Variants in PINX1 observed in about 807,000 individuals in gnomAD.
The protein encoded by PINX1 is PIN2/TERF1-interacting telomerase inhibitor 1.
A neutral mutation model predicts 25.4 loss-of-function variants in PINX1; 34 were observed. The observed-to-expected ratio is 1.34, with a 90% CI of 1.02 to 1.78. The LOEUF (loss-of-function observed/expected upper bound fraction) is 1.78. PINX1 is among the 40% of genes most tolerant of loss of function. PINX1 has a pLI of 0.00. For synonymous variants in PINX1, 197 were observed against 147.7 expected (o/e 1.33, Z -2.42); for missense variants, 592 against 404.9 (o/e 1.46, Z -3.97).
chr8:10,818,505 C>T (rs1250528117), intron 6 of PINX1, among the ~76,000 whole-genome samples: 1 of 152,128 alleles, frequency 6.6e-6, no homozygotes, highest in Non-Finnish European at 1.5e-5. Flanking sequence ...TAAAGTTCTA[C>T]AAAAGCCCAC....
rs1352599298 is a variant in PINX1, at chr8:10,765,440, T to A, written c.948A>T (p.Glu316Asp). ...TCTTCTTCTTCTTTTTCACTAGCGT[T>A]TCTTCTAGTGTAGCGTCCTCTGCTA... is the stretch of plus-strand genomic sequence containing the variant. ...VEIAEDATLE[E>D]TLVKKKKKKD... The change falls in exon 7 of 7, where the codon GAA becomes GAT. Residue 316 changes from glutamate to aspartate, a missense_variant. Glu to Asp is a conservative substitution (Grantham distance 45, BLOSUM62 2). Transcript: ENST00000314787. The A allele has an allele frequency of 6.2e-7, 1 of 1,607,814 alleles. No homozygotes were observed. The highest frequency in any genetic ancestry group is 8.5e-7 in the Non-Finnish European group (1 of 1,178,246).
Position 10,770,076 on chromosome 8 carries a change from T to G in PINX1, c.472-4160A>C, listed in dbSNP as rs148494128. On this transcript the variant is annotated intron_variant, in intron 6 of 6. Coordinates refer to ENST00000314787, the MANE Select transcript of PINX1 (RefSeq NM_017884.6). ...AGTTTTATAATTTATCAAACTAGCA[T>G]GTACATTCACTTGAAAAAGTTTGAC... Among the ~76,000 whole-genome samples, 284 of 152,348 alleles carry G rather than the reference T, an allele frequency of 1.9e-3. 1 individual carries two copies. Among genetic ancestry groups the G allele is most frequent in the African/African-American group, 6.5e-3 (269 of 41,578 alleles).
At chr8:10,785,967 A>G (rs997703240) in intron 6 of PINX1, among the ~76,000 whole-genome samples, 1 of 152,216 alleles carries the variant, frequency 6.6e-6, no homozygotes, top group Admixed American at 6.5e-5. Flanking sequence ...TGGACTGCGT[A>G]TATCACTACC....
chr8:10,785,098 C>G (rs2129074739), intron 6 of PINX1, among the ~76,000 whole-genome samples: 1 of 152,264 alleles, frequency 6.6e-6, no homozygotes, highest in South Asian at 2.1e-4. Flanking sequence ...AGAAAATTCC[C>G]ATAACGTTTT....
intron 6 of PINX1, among the ~76,000 whole-genome samples, chr8:10,810,949 G>A (rs746680790): frequency 1.3e-5 from 2 of 152,164 alleles, no homozygotes; most frequent in African/African-American, 2.4e-5. Context: ...TTGTGACTAC[G>A]CACACACAGA....
At chr8:10,775,238 T>A (rs1275840130) in intron 6 of PINX1, among the ~76,000 whole-genome samples, 1 of 152,182 alleles carries the variant, frequency 6.6e-6, no homozygotes, top group African/African-American at 2.4e-5. Flanking sequence ...CAAGAAAGAC[T>A]GTCTCCCTGC....
intron 1 of PINX1, among the ~76,000 whole-genome samples, chr8:10,838,245 T>G (rs1391202094): frequency 6.6e-6 from 1 of 152,174 alleles, no homozygotes; most frequent in African/African-American, 2.4e-5. Flanking sequence ...CAATCCTAAG[T>G]ATCTAATTAC....
At chr8:10,815,007 A>AT (rs1192560369) in intron 6 of PINX1, among the ~76,000 whole-genome samples, 11 of 152,240 alleles carry the variant, frequency 7.2e-5, no homozygotes, top group African/African-American at 2.6e-4. Flanking sequence ...TGGCGTGATG[A>AT]TAGCTCACTG....
At chr8:10,838,009 A>C (rs745416569) in intron 1 of PINX1, among the ~76,000 whole-genome samples, 6 of 152,242 alleles carry the variant, frequency 3.9e-5, no homozygotes, top group Admixed American at 2.0e-4. Context: ...CTAGGCTTCA[A>C]TCACAGGCAG....
intron 6 of PINX1, among the ~76,000 whole-genome samples, chr8:10,799,066 G>T (rs1257688264): frequency 6.6e-6 from 1 of 152,044 alleles, no homozygotes; most frequent in Admixed American, 6.5e-5. Context: ...TTGGGAAACT[G>T]ATCATCTGTA....
At position 10,824,257 on chromosome 8, in the gene PINX1, C is replaced by A. The variant is rs140851797; in HGVS notation, c.394+1895G>T. Reference sequence around the variant, plus strand: ...CGAGTAATGGCCAGAGTGAGATTTTCTGTGATCTAAGATAGTCCACCCTAG... The same window carrying A: ...CGAGTAATGGCCAGAGTGAGATTTTATGTGATCTAAGATAGTCCACCCTAG... On this transcript the variant is annotated intron_variant, in intron 5 of 6. Coordinates refer to ENST00000314787, the MANE Select transcript of PINX1 (RefSeq NM_017884.6). Among the ~76,000 whole-genome samples, 726 of 152,286 alleles carry A rather than the reference C, an allele frequency of 4.8e-3. 4 individuals carry two copies. The highest frequency in any genetic ancestry group is 7.6e-3 in the Non-Finnish European group (520 of 68,026).
At chr8:10,831,774 A>T (rs1798234288) in intron 3 of PINX1, 31 bp from the exon 4 acceptor site, 11 of 1,333,008 alleles carry the variant, frequency 8.3e-6, no homozygotes, top group Non-Finnish European at 1.2e-5. Context: ...AACGAGAGGT[A>T]AGCCTGTAGT....
chr8:10,793,812 T>C (rs1051889419), intron 6 of PINX1, among the ~76,000 whole-genome samples: 3 of 152,202 alleles, frequency 2.0e-5, no homozygotes, highest in African/African-American at 7.2e-5. Context: ...AATGCTGTTG[T>C]AACAAATCAT....
intron 6 of PINX1, among the ~76,000 whole-genome samples, chr8:10,811,017 C>T (rs1361134497): frequency 6.6e-6 from 1 of 152,236 alleles, no homozygotes; most frequent in South Asian, 2.1e-4. Context: ...CCATTTTAAA[C>T]TGTGAGAGTG....
chr8:10,803,177 T>C lies in PINX1; in HGVS notation c.471+17016A>G, dbSNP rs1301299957. Among the ~76,000 whole-genome samples, 3 of 152,254 alleles carry C rather than the reference T, an allele frequency of 2.0e-5. 1 individual carries two copies. The highest frequency in any genetic ancestry group is 4.4e-5 in the Non-Finnish European group (3 of 68,042). ...ACAATTAACAAAGTTTGCCACATTG[T>C]TACATCATTGCTTTGTTCTTTGCTG... On this transcript the variant is annotated intron_variant, in intron 6 of 6. Transcript: ENST00000314787.
intron 1 of PINX1, among the ~76,000 whole-genome samples, chr8:10,835,742 G>T (rs1028293921): frequency 6.6e-6 from 1 of 152,054 alleles, no homozygotes. Context: ...TATGTGAATG[G>T]AATAAACGAT....
intron 6 of PINX1, among the ~76,000 whole-genome samples, chr8:10,804,956 G>A (rs1225405848): frequency 3.3e-5 from 5 of 151,782 alleles, no homozygotes. Context: ...AGAAGACTTG[G>A]TTTGACGCTA....
chr8:10,765,623 C>A lies in PINX1; in HGVS notation c.765G>T (p.Ala255=), dbSNP rs780628077. Reference sequence around the variant, plus strand: ...GGCCTCTGAGCTGCTCTTCTGCTGGCGCGCTCTTCTTCTTGGCCACTCGCT... The same window carrying A: ...GGCCTCTGAGCTGCTCTTCTGCTGGAGCGCTCTTCTTCTTGGCCACTCGCT... ...AQERVAKKKS[A]PAEEQLRGPC... is the part of the protein sequence containing the mutation. Residue 255 remains alanine, a synonymous_variant, in exon 7 of 7, where the codon GCG becomes GCT. Coordinates refer to ENST00000314787, the MANE Select transcript of PINX1 (RefSeq NM_017884.6). 15 of 1,613,684 alleles carry A rather than the reference C, an allele frequency of 9.3e-6. No homozygotes were observed. Among genetic ancestry groups the A allele is most frequent in the Non-Finnish European group, 1.3e-5 (15 of 1,179,876 alleles).
At chr8:10,832,667 G>A (rs899385901) in intron 3 of PINX1, among the ~76,000 whole-genome samples, 5 of 152,162 alleles carry the variant, frequency 3.3e-5, no homozygotes, top group African/African-American at 1.2e-4. Flanking sequence ...TTTCAGTTTA[G>A]ATCCTTTCCA....
Sources: gnomAD v4.1 joint callset for allele counts (sites outside exome capture counted in the v4.1 genomes callset) on GRCh38, gnomAD v4.1.1 for gene constraint, MANE v1.5 for transcripts, NCBI Gene and HGNC (gene_info 2026-07-23, HGNC 2026-07-21) for gene names.